The following ERC2 variants were observed in gnomAD, a reference collection of about 807,000 sequenced individuals.
The protein encoded by ERC2 is ELKS/RAB6-interacting/CAST family member 2, also known as ERC protein 2.
Under a neutral mutation model 114.8 loss-of-function variants are expected in ERC2, and 42 were observed. That is an observed-to-expected ratio of 0.37 (90% CI 0.29 to 0.47). The LOEUF (loss-of-function observed/expected upper bound fraction) is 0.47. Ranked by LOEUF, ERC2 falls within the 20% of genes least tolerant of loss-of-function variation. The probability of loss-of-function intolerance (pLI) is 0.99; values close to 1 mark genes in which losing one functional copy is unlikely to be tolerated. For synonymous variants in ERC2, 454 were observed against 425.5 expected (o/e 1.07, Z -0.82); for missense variants, 939 against 1,150.7 (o/e 0.82, Z 2.66).
At chr3:55,917,467 C>T (rs1336455798) in intron 13 of ERC2, among the ~76,000 whole-genome samples, 2 of 152,118 alleles carry the variant, frequency 1.3e-5, no homozygotes, top group Non-Finnish European at 2.9e-5. Context: ...AAAACATTAT[C>T]CTAAGAAAAA....
intron 17 of ERC2, among the ~76,000 whole-genome samples, chr3:55,517,684 T>C (rs1377064972): frequency 1.3e-5 from 2 of 152,076 alleles, no homozygotes; most frequent in African/African-American, 4.8e-5. Flanking sequence ...GCCATGGCCT[T>C]CTCCCCACTG....
chr3:55,693,973 T>C (rs1233578886), intron 16 of ERC2, among the ~76,000 whole-genome samples: 1 of 152,190 alleles, frequency 6.6e-6, no homozygotes, highest in African/African-American at 2.4e-5. Context: ...CCTCCCAATG[T>C]GTTGGGATTA....
chr3:55,811,881 A>G (rs1357016990), intron 14 of ERC2, among the ~76,000 whole-genome samples: 1 of 152,186 alleles, frequency 6.6e-6, no homozygotes, highest in East Asian at 1.9e-4. Flanking sequence ...GTTCCAGGAT[A>G]CATACACAGG....
chr3:56,162,952 A>G (rs2082131796), intron 4 of ERC2, among the ~76,000 whole-genome samples: 1 of 151,608 alleles, frequency 6.6e-6, no homozygotes. Context: ...TCTAGGTGTG[A>G]TGTTAGATTG....
rs1193357850 is a variant in ERC2, at chr3:56,032,885, A to AAGAG, written c.1642-13858_1642-13855dup. The stretch of plus-strand genomic sequence containing the variant: ...AAAGAAAGAAAGAAAGAAAGAAAGA[A>AAGAG]AGAGAGAGAGAGAGACAGAAAGAAA... On this transcript the variant is annotated intron_variant, in intron 7 of 17. Transcript: ENST00000288221. Among the ~76,000 whole-genome samples the AAGAG allele has an allele frequency of 4.5e-4, 36 of 79,266 alleles. 1 individual carries two copies. The highest frequency in any genetic ancestry group is 1.3e-3 in the South Asian group (3 of 2,338). The allele number at this position is 79,266 out of a possible 152,430, so 52.0% of individuals were successfully genotyped here.
At position 56,435,123 on chromosome 3, in the gene ERC2, C is replaced by A. The variant is rs1157634268; in HGVS notation, c.-116G>T. The A allele has an allele frequency of 6.8e-6, 5 of 730,048 alleles. No homozygotes were observed. In the Admixed American group the frequency reaches 9.0e-5, roughly 13 times the overall value. 45.2% of individuals were successfully genotyped at this position (730,048 alleles called of 1,614,324 possible). The stretch of plus-strand genomic sequence containing the variant: ...CACCGCATTCTTTTCACAGTCCGTA[C>A]CAGAAAATAACTCCACTCAGAGATC... On this transcript the variant is annotated 5_prime_UTR_variant, in exon 2 of 18. Transcript: ENST00000288221.
At chr3:55,967,243 A>C (rs1486276716) in intron 12 of ERC2, among the ~76,000 whole-genome samples, 1 of 152,240 alleles carries the variant, frequency 6.6e-6, no homozygotes, top group Non-Finnish European at 1.5e-5. Context: ...GAAATAATTT[A>C]AAGTCATATT....
At chr3:55,809,259 G>A (rs569868009) in intron 14 of ERC2, among the ~76,000 whole-genome samples, 2 of 152,190 alleles carry the variant, frequency 1.3e-5, no homozygotes, top group African/African-American at 4.8e-5. Context: ...AATGTGTAAC[G>A]ATCCAGTCAC....
chr3:56,149,021 G>C lies in ERC2; in HGVS notation c.1261C>G (p.Gln421Glu). 6.2e-7 allele frequency: 1 copy of C among 1,613,298 alleles called. No individual in the cohort carries two copies. Among genetic ancestry groups the C allele is most frequent in the Non-Finnish European group, 8.5e-7 (1 of 1,179,508 alleles). Residue 421 changes from glutamine (Q) to glutamate (E), a missense_variant, in exon 5 of 18, where the codon CAA becomes GAA. Around this residue, in one of 5 missense-constraint regions of ERC2, gnomAD observed 148 missense variants for 159.1 expected, o/e 0.93. Transcript: ENST00000288221. ...NTEDREEEIK[Q>E]IEVYKSHSKF... ...GAGTGACTTTTGTAAACCTCAATTT[G>C]TTTGATCTCTTCTTCGCGGTCCTCA...
intron 7 of ERC2, among the ~76,000 whole-genome samples, chr3:56,050,437 T>C (rs751781407): frequency 3.9e-5 from 6 of 152,100 alleles, no homozygotes; most frequent in Non-Finnish European, 5.9e-5. Flanking sequence ...CAAAAGGCAA[T>C]GGAAAAGTGT....
At chr3:56,446,429 G>A (rs1453147422) in intron 1 of ERC2, among the ~76,000 whole-genome samples, 2 of 152,026 alleles carry the variant, frequency 1.3e-5, no homozygotes, top group Non-Finnish European at 2.9e-5. Flanking sequence ...ACAAAACTGT[G>A]CACAGGGTTG....
At chr3:55,884,503 CA>C (rs2063274361) in intron 14 of ERC2, among the ~76,000 whole-genome samples, 1 of 151,846 alleles carries the variant, frequency 6.6e-6, no homozygotes, top group Admixed American at 6.6e-5. Flanking sequence ...AACATCTAAA[CA>C]AATATCTATC....
chr3:55,830,612 G>T (rs1020456616), intron 14 of ERC2, among the ~76,000 whole-genome samples: 1 of 152,102 alleles, frequency 6.6e-6, no homozygotes, highest in Non-Finnish European at 1.5e-5. Context: ...ACTATGAAAG[G>T]TTAGGTACCT....
chr3:55,708,395 T>C (rs2063596380), intron 15 of ERC2, among the ~76,000 whole-genome samples: 1 of 152,226 alleles, frequency 6.6e-6, no homozygotes, highest in Admixed American at 6.5e-5. Context: ...ACAAAGTTAC[T>C]TAGTTAAGCG....
chr3:55,588,215 A>G (rs2057694869), intron 17 of ERC2, among the ~76,000 whole-genome samples: 1 of 152,072 alleles, frequency 6.6e-6, no homozygotes, highest in Non-Finnish European at 1.5e-5. Flanking sequence ...CATCAAGGGC[A>G]GGCATGCTGG....
At chr3:56,193,397 A>G (rs1202051041) in intron 3 of ERC2, among the ~76,000 whole-genome samples, 1 of 152,198 alleles carries the variant, frequency 6.6e-6, no homozygotes, top group East Asian at 1.9e-4. Flanking sequence ...AATCCCAGCT[A>G]TTCAGGAGAC....
chr3:55,969,665 G>A (rs2069012674), intron 12 of ERC2, among the ~76,000 whole-genome samples: 1 of 152,104 alleles, frequency 6.6e-6, no homozygotes, highest in Admixed American at 6.5e-5. Context: ...AAAACCCAAG[G>A]GTCTAATGAT....
At chr3:55,940,629 T>C (rs933750751) in intron 13 of ERC2, among the ~76,000 whole-genome samples, 1 of 152,156 alleles carries the variant, frequency 6.6e-6, no homozygotes, top group African/African-American at 2.4e-5. Context: ...TCTTGAGATA[T>C]TCAAATGTAA....
At chr3:55,915,685 G>A (rs957584988) in intron 13 of ERC2, among the ~76,000 whole-genome samples, 3 of 152,168 alleles carry the variant, frequency 2.0e-5, no homozygotes, top group African/African-American at 7.2e-5. Flanking sequence ...AGGATTGGAA[G>A]CAAGATAACC....
Sources: gnomAD v4.1 joint callset for allele counts (sites outside exome capture counted in the v4.1 genomes callset) on GRCh38, gnomAD v4.1.1 for gene constraint, gnomAD v4.1.1 regional missense constraint, MANE v1.5 for transcripts, NCBI Gene and HGNC (gene_info 2026-07-23, HGNC 2026-07-21) for gene names.